Variants in ACTR3C observed in about 807,000 individuals in gnomAD.
The protein encoded by ACTR3C is actin-related protein 3C.
ACTR3C carries 18 observed loss-of-function variants against 26.3 expected under a neutral mutation model. The observed-to-expected ratio is 0.68, with a 90% CI of 0.47 to 1.01. The LOEUF is 1.01. Ranked by LOEUF, ACTR3C falls within the 50% of genes least tolerant of loss-of-function variation. The pLI is 0.00. For missense variants in ACTR3C, 184 were observed against 250.7 expected (o/e 0.73, Z 1.80); for synonymous variants, 55 against 94.5 (o/e 0.58, Z 2.42).
chr7:150,032,807 CT>C, the ACTR3C span, among the ~76,000 whole-genome samples: 1 of 151,514 alleles, frequency 6.6e-6, no homozygotes, highest in Non-Finnish European at 1.5e-5. Context: ...TTTTTTTTCT[CT>C]GTAGGTCGTC....
chr7:150,005,307 G>A, the ACTR3C span, among the ~76,000 whole-genome samples: 4 of 152,242 alleles, frequency 2.6e-5, no homozygotes, highest in East Asian at 5.8e-4. Context: ...CTGATGTCAT[G>A]TCATGGATAA....
At chr7:150,001,882 C>T in the ACTR3C span, 3 of 151,902 alleles carry the variant, frequency 2.0e-5, no homozygotes, top group Non-Finnish European at 2.9e-5. Context: ...GAGGCAAGAG[C>T]GAGGAGTTCT....
chr7:149,932,771 G>A, the ACTR3C span, among the ~76,000 whole-genome samples: 1 of 151,406 alleles, frequency 6.6e-6, no homozygotes, highest in Non-Finnish European at 1.5e-5. Context: ...GGGCAGGGCA[G>A]GGAAGACTCT....
chr7:149,970,430 G>T, the ACTR3C span, among the ~76,000 whole-genome samples: 2 of 152,024 alleles, frequency 1.3e-5, no homozygotes, highest in Non-Finnish European at 1.5e-5. Flanking sequence ...TCTCCTTGTT[G>T]TGTAAGGAAA....
chr7:150,027,186 T>G, the ACTR3C span, among the ~76,000 whole-genome samples: 3 of 152,108 alleles, frequency 2.0e-5, no homozygotes, highest in African/African-American at 7.3e-5. Flanking sequence ...TTTTGCTGCC[T>G]TACCTAAATT....
chr7:150,282,905 G>C (rs1835465843), intron 6 of ACTR3C, among the ~76,000 whole-genome samples: 1 of 149,278 alleles, frequency 6.7e-6, no homozygotes, highest in South Asian at 2.1e-4. Context: ...TTTTCAGTGT[G>C]ATGCGGTGGG....
chr7:150,066,323 G>C, the ACTR3C span, among the ~76,000 whole-genome samples: 1 of 152,230 alleles, frequency 6.6e-6, no homozygotes. Context: ...TCCTCTGTCT[G>C]TGTGAACTGG....
At chr7:150,161,263 A>T in the ACTR3C span, among the ~76,000 whole-genome samples, 46,885 of 128,874 alleles carry the variant, frequency 0.36, 9,589 homozygotes, top group African/African-American at 0.52. Flanking sequence ...TGTGCACAAC[A>T]TGCAGGTTTG....
chr7:150,054,510 C>G, the ACTR3C span, among the ~76,000 whole-genome samples: 1 of 152,354 alleles, frequency 6.6e-6, no homozygotes, highest in East Asian at 1.9e-4. Context: ...ATGCTTTAGC[C>G]TGGCCCCAGA....
At chr7:150,038,053 G>T in the ACTR3C span, among the ~76,000 whole-genome samples, 5 of 133,840 alleles carry the variant, frequency 3.7e-5, no homozygotes, top group Admixed American at 2.9e-4. Context: ...GGGAAGAGGG[G>T]TTGGCTCTGA....
chr7:150,233,717 T>C, the ACTR3C span, among the ~76,000 whole-genome samples: 3 of 150,044 alleles, frequency 2.0e-5, no homozygotes, highest in East Asian at 5.8e-4. Context: ...ACATTACACA[T>C]CTATTTTTGC....
chr7:150,102,992 T>C, the ACTR3C span, among the ~76,000 whole-genome samples: 17 of 152,098 alleles, frequency 1.1e-4, no homozygotes, highest in African/African-American at 3.9e-4. Flanking sequence ...GATTGTTGGA[T>C]GCCTTAATTT....
the ACTR3C span, among the ~76,000 whole-genome samples, chr7:150,163,933 C>A: frequency 2.0e-5 from 3 of 152,260 alleles, no homozygotes; most frequent in East Asian, 5.8e-4. Context: ...CACACACACC[C>A]CAAAATAATG....
At chr7:150,125,283 A>G in the ACTR3C span, among the ~76,000 whole-genome samples, 1 of 149,886 alleles carries the variant, frequency 6.7e-6, no homozygotes, top group Non-Finnish European at 1.5e-5. Flanking sequence ...AAAATATACC[A>G]TAGTTTTCTC....
chr7:150,049,345 A>T, the ACTR3C span, among the ~76,000 whole-genome samples: 1 of 151,914 alleles, frequency 6.6e-6, no homozygotes, highest in South Asian at 2.1e-4. Context: ...CCCGGCCGGG[A>T]AGGACCTATC....
At chr7:150,086,033 G>A in the ACTR3C span, among the ~76,000 whole-genome samples, 115 of 151,390 alleles carry the variant, frequency 7.6e-4, 1 homozygote, top group African/African-American at 2.7e-3. Flanking sequence ...CTGGAGTACA[G>A]TGGCAAAATC....
At chr7:150,024,577 T>C in the ACTR3C span, among the ~76,000 whole-genome samples, 21 of 150,366 alleles carry the variant, frequency 1.4e-4, no homozygotes, top group Non-Finnish European at 2.8e-4. Context: ...ATTAGCATGG[T>C]GCTGGGACAA....
the ACTR3C span, among the ~76,000 whole-genome samples, chr7:150,085,634 C>T: frequency 5.3e-5 from 8 of 152,244 alleles, no homozygotes; most frequent in South Asian, 2.1e-4. Flanking sequence ...AACAGTTTCT[C>T]CAGCATTCAT....
intron 1 of ACTR3C, among the ~76,000 whole-genome samples, chr7:150,316,580 G>A (rs1383204104): frequency 6.7e-6 from 1 of 150,018 alleles, no homozygotes; most frequent in African/African-American, 2.5e-5. Flanking sequence ...CTGCCTCCCA[G>A]GTTCAAGCGA....
Sources: gnomAD v4.1 joint callset for allele counts (sites outside exome capture counted in the v4.1 genomes callset) on GRCh38, gnomAD v4.1.1 for gene constraint, MANE v1.5 for transcripts, NCBI Gene and HGNC (gene_info 2026-07-23, HGNC 2026-07-21) for gene names.